TCF7L2: variants seen among roughly 807,000 people sequenced by gnomAD.
The protein encoded by TCF7L2 is transcription factor 7-like 2.
In TCF7L2, 23 loss-of-function variants were observed where a neutral mutation model predicts 77.9. That is an observed-to-expected ratio of 0.30 (90% CI 0.21 to 0.42). The LOEUF is 0.42. Among genes scored for constraint, TCF7L2 ranks in the 10% least tolerant of loss-of-function variants. The probability of loss-of-function intolerance (pLI) is 1.00; values close to 1 mark genes in which losing one functional copy is unlikely to be tolerated. For missense variants in TCF7L2, 654 were observed against 793.1 expected (o/e 0.82, Z 2.11); for synonymous variants, 413 against 340.2 (o/e 1.21, Z -2.36).
rs943732646 is a variant in TCF7L2 at position 113,151,800 on chromosome 10, G to A, written c.1077G>A (p.Leu359=). Residue 359 remains leucine, a synonymous_variant, in exon 10 of 14, where the codon TTG becomes TTA. Transcript: ENST00000627217. The surrounding 1 kb of genome is among the most constrained non-coding windows in gnomAD (Gnocchi z 5.2). ...AGAAACCTCTTAATGCATTCATGTT[G>A]TATATGAAGGAAATGAGAGCAAAGG... 1 of 1,613,600 alleles carries A rather than the reference G, an allele frequency of 6.2e-7. No homozygotes were observed. Among genetic ancestry groups the A allele is most frequent in the Non-Finnish European group, 8.5e-7 (1 of 1,179,950 alleles).
intron 8 of TCF7L2, among the ~76,000 whole-genome samples, chr10:113,147,250 C>T (rs2069649868): frequency 6.6e-6 from 1 of 152,198 alleles, no homozygotes; most frequent in Non-Finnish European, 1.5e-5. Flanking sequence ...GTGCTGTCCC[C>T]AGCTTCTTTC....
intron 5 of TCF7L2, among the ~76,000 whole-genome samples, chr10:113,101,022 C>T (rs1474062785): frequency 1.3e-5 from 2 of 151,996 alleles, no homozygotes; most frequent in Non-Finnish European, 2.9e-5. Context: ...TTGTGGTGAG[C>T]TGAGATCGCG....
chr10:113,105,373 T>A (rs1040750573), intron 5 of TCF7L2, among the ~76,000 whole-genome samples: 1 of 152,142 alleles, frequency 6.6e-6, no homozygotes, highest in Non-Finnish European at 1.5e-5. Context: ...AGAAATCACC[T>A]TGAGAGCTTC....
rs775085820 is a variant in TCF7L2, at chr10:113,040,045, A to G, written c.471A>G (p.Pro157=). 1.2e-6 allele frequency: 2 copies of G among 1,613,828 alleles called. No homozygotes were observed. The highest frequency in any genetic ancestry group is 1.7e-6 in the Non-Finnish European group (2 of 1,179,876). The change falls in exon 5 of 14, where the codon CCA becomes CCG. Residue 157 remains proline (P), a synonymous_variant. Transcript: ENST00000627217. ...GCCAGTATCTCCAGATGAAATGGCC[A>G]CTGCTTGATGTCCAGGCAGGGAGCC...
At chr10:113,136,798 A>G (rs546997631) in intron 5 of TCF7L2, among the ~76,000 whole-genome samples, 12 of 152,108 alleles carry the variant, frequency 7.9e-5, no homozygotes, top group Non-Finnish European at 1.8e-4. Flanking sequence ...AAGGTTGTCT[A>G]TGTTGCAACC....
chr10:113,160,049 C>T, intron 12 of TCF7L2, 57 bp downstream of exon 14: 1 of 1,493,406 alleles, frequency 6.7e-7, no homozygotes, highest in South Asian at 1.1e-5. Context: ...ATTCGATCCT[C>T]TCCCCCTTCT....
At chr10:113,128,999 C>T (rs2066118048) in intron 5 of TCF7L2, among the ~76,000 whole-genome samples, 1 of 152,078 alleles carries the variant, frequency 6.6e-6, no homozygotes, top group Non-Finnish European at 1.5e-5. Context: ...CAAAACTCAA[C>T]AGTCAAAAAA....
intron 4 of TCF7L2, among the ~76,000 whole-genome samples, chr10:112,988,768 A>G (rs941166683): frequency 6.6e-6 from 1 of 152,192 alleles, no homozygotes; most frequent in African/African-American, 2.4e-5. Context: ...TTGTTTATTC[A>G]GCAATCATTC....
At chr10:112,985,035 T>A (rs1309310320) in intron 4 of TCF7L2, among the ~76,000 whole-genome samples, 1 of 152,166 alleles carries the variant, frequency 6.6e-6, no homozygotes. Flanking sequence ...AAAATGGGGA[T>A]AAAACCTCTC....
chr10:113,031,352 T>A (rs1215985147), intron 4 of TCF7L2, among the ~76,000 whole-genome samples: 4 of 152,198 alleles, frequency 2.6e-5, no homozygotes, highest in Non-Finnish European at 4.4e-5. Context: ...ATGGTCAGAA[T>A]TGCTTGGCAA....
At chr10:113,021,456 A>G (rs1381386839) in intron 4 of TCF7L2, among the ~76,000 whole-genome samples, 2 of 152,232 alleles carry the variant, frequency 1.3e-5, no homozygotes, top group African/African-American at 4.8e-5. Flanking sequence ...AAATGAGGCA[A>G]TTACCAACTT....
chr10:113,097,646 GAAAAAAAAAAAAAAA>G (rs869133669), intron 5 of TCF7L2, among the ~76,000 whole-genome samples: 3 of 36,742 alleles, frequency 8.2e-5, no homozygotes, highest in Admixed American at 9.4e-4. Flanking sequence ...TCTTGTCTCG[GAAAAAAAAAAAAAAA>G]AAAAAAAAAA....
At chr10:113,163,082 G>T (rs922841394) in intron 13 of TCF7L2, among the ~76,000 whole-genome samples, 1 of 151,842 alleles carries the variant, frequency 6.6e-6, no homozygotes, top group Admixed American at 6.5e-5. Context: ...AGAAATGTGT[G>T]TGCGTGCCAG....
intron 4 of TCF7L2, among the ~76,000 whole-genome samples, chr10:113,000,696 G>C (rs1014343154): frequency 6.6e-6 from 1 of 152,192 alleles, no homozygotes; most frequent in African/African-American, 2.4e-5. Context: ...CATCTCACGG[G>C]CCCGGAGGGG....
At chr10:113,143,239 A>G (rs2068707955) in intron 6 of TCF7L2, among the ~76,000 whole-genome samples, 1 of 152,244 alleles carries the variant, frequency 6.6e-6, no homozygotes, top group South Asian at 2.1e-4. Context: ...CGCGGTGCCC[A>G]TTCAGCAGGT....
intron 4 of TCF7L2, among the ~76,000 whole-genome samples, chr10:112,979,981 T>C (rs2040178195): frequency 6.6e-6 from 1 of 152,174 alleles, no homozygotes; most frequent in South Asian, 2.1e-4. Context: ...AACAAGTAAG[T>C]ACTATTAATT....
intron 4 of TCF7L2, among the ~76,000 whole-genome samples, chr10:112,996,760 T>C (rs1022133209): frequency 5.9e-5 from 9 of 152,150 alleles, no homozygotes; most frequent in Non-Finnish European, 1.2e-4. Flanking sequence ...CAACCTCCAC[T>C]GAGGGAAGTG....
chr10:113,143,879 C>G, intron 6 of TCF7L2, 44 bp from the exon 7 acceptor site: 8 of 1,488,176 alleles, frequency 5.4e-6, no homozygotes, highest in African/African-American at 1.4e-5. Context: ...TTGCTCTTTC[C>G]TTCTCTCCCT....
intron 5 of TCF7L2, among the ~76,000 whole-genome samples, chr10:113,115,652 A>C (rs1312967969): frequency 1.3e-5 from 2 of 152,304 alleles, no homozygotes; most frequent in Non-Finnish European, 2.9e-5. Flanking sequence ...GGAAGGCTGA[A>C]GTAGAAGGGG....
Sources: gnomAD v4.1 joint callset for allele counts (sites outside exome capture counted in the v4.1 genomes callset) on GRCh38, gnomAD v4.1.1 for gene constraint, Gnocchi (gnomAD v3.1) non-coding constraint, MANE v1.5 for transcripts, NCBI Gene and HGNC (gene_info 2026-07-23, HGNC 2026-07-21) for gene names.